The following LINGO2 variants were observed in gnomAD, a reference collection of about 807,000 sequenced individuals.
The protein encoded by LINGO2 is leucine-rich repeat and immunoglobulin-like domain-containing nogo receptor-interacting protein 2.
LINGO2 carries 14 observed loss-of-function variants against 30.6 expected under a neutral mutation model. The observed-to-expected ratio is 0.46, with a 90% CI of 0.30 to 0.72. The LOEUF is 0.72. LINGO2 is among the 30% of genes least tolerant of loss of function. The pLI, the probability that LINGO2 is intolerant of heterozygous loss-of-function variation, is 0.07. For synonymous variants in LINGO2, 317 were observed against 288.5 expected (o/e 1.10, Z -1.00); for missense variants, 729 against 751.7 (o/e 0.97, Z 0.35).
chr9:28,444,156 G>C (rs1036466652), intron 2 of LINGO2, among the ~76,000 whole-genome samples: 1 of 152,100 alleles, frequency 6.6e-6, no homozygotes, highest in Admixed American at 6.5e-5. Flanking sequence ...ATTCTTCCTG[G>C]ATATGGGACA....
the LINGO2 span, among the ~76,000 whole-genome samples, chr9:29,050,919 T>C: frequency 1.3e-5 from 2 of 152,190 alleles, no homozygotes; most frequent in Non-Finnish European, 2.9e-5. Context: ...TATAATTAAT[T>C]TGTAGTATCT....
chr9:28,357,639 T>C (rs1425179484), intron 3 of LINGO2, among the ~76,000 whole-genome samples: 1 of 152,116 alleles, frequency 6.6e-6, no homozygotes. Context: ...ATTTTTACCC[T>C]GAACAAATGA....
chr9:28,860,241 C>A, the LINGO2 span, among the ~76,000 whole-genome samples: 5 of 151,916 alleles, frequency 3.3e-5, no homozygotes, highest in Admixed American at 1.3e-4. Context: ...CCATAGTGCC[C>A]AGATATTTGG....
At chr9:28,435,515 T>C (rs1408603720) in intron 2 of LINGO2, among the ~76,000 whole-genome samples, 1 of 152,166 alleles carries the variant, frequency 6.6e-6, no homozygotes, top group East Asian at 1.9e-4. Flanking sequence ...ACTGTGAGGT[T>C]TGATGCCCAA....
rs182996186 is a variant in LINGO2, at chr9:28,549,366, T to C, written c.-364-73341A>G. 2.7e-3 allele frequency among the ~76,000 whole-genome samples: 414 copies of C among 152,234 alleles called. 5 individuals carry two copies. Among genetic ancestry groups the C allele is most frequent in the African/African-American group, 9.5e-3 (393 of 41,562 alleles). ...TTTCATTCATCTATATTGATGAATATTGAGGTTGTTTATTTCCTTATTTCT... is the reference window on the plus strand; with the variant it reads ...TTTCATTCATCTATATTGATGAATACTGAGGTTGTTTATTTCCTTATTTCT... On this transcript the variant is annotated intron_variant, in intron 1 of 5. Coordinates refer to ENST00000379992, the Ensembl canonical transcript of LINGO2.
At chr9:28,412,185 GAAAAA>G (rs59158472) in intron 2 of LINGO2, among the ~76,000 whole-genome samples, 6,318 of 120,634 alleles carry the variant, frequency 0.052, 383 homozygotes, top group African/African-American at 0.15. Context: ...ACTTGTAAGT[GAAAAA>G]AAAAAAAAAA....
chr9:29,134,026 C>G, the LINGO2 span, among the ~76,000 whole-genome samples: 1 of 152,094 alleles, frequency 6.6e-6, no homozygotes, highest in African/African-American at 2.4e-5. Flanking sequence ...TAGCTTTAAT[C>G]TCTATAGTTT....
chr9:28,357,324 C>CT (rs958938241), intron 3 of LINGO2, among the ~76,000 whole-genome samples: 21 of 145,936 alleles, frequency 1.4e-4, no homozygotes, highest in African/African-American at 5.0e-4. Flanking sequence ...AGCCCACCCC[C>CT]CCCAAAAAAG....
chr9:28,021,568 A>G (rs1356844135), intron 4 of LINGO2, among the ~76,000 whole-genome samples: 1 of 152,116 alleles, frequency 6.6e-6, no homozygotes, highest in African/African-American at 2.4e-5. Context: ...TGCTTGATTT[A>G]CCAATTATTG....
chr9:29,190,210 A>G, the LINGO2 span, among the ~76,000 whole-genome samples: 2 of 152,134 alleles, frequency 1.3e-5, no homozygotes, highest in African/African-American at 4.8e-5. Flanking sequence ...TAATCTAGAG[A>G]TTTTTAGCAC....
intron 5 of LINGO2, among the ~76,000 whole-genome samples, chr9:28,001,666 T>G (rs1821961322): frequency 6.6e-6 from 1 of 151,742 alleles, no homozygotes; most frequent in African/African-American, 2.4e-5. Flanking sequence ...GAAAAGAAAT[T>G]TATTTAAAGC....
chr9:28,470,873 TATATATA>T (rs1285764237), intron 2 of LINGO2, among the ~76,000 whole-genome samples: 1 of 148,406 alleles, frequency 6.7e-6, no homozygotes, highest in Non-Finnish European at 1.5e-5. Flanking sequence ...TATCTGTAAT[TATATATA>T]ATATATAATA....
the LINGO2 span, among the ~76,000 whole-genome samples, chr9:28,874,824 G>A: frequency 3.4e-4 from 52 of 151,962 alleles, no homozygotes; most frequent in South Asian, 8.3e-4. Flanking sequence ...GTGGCTTTAC[G>A]CAACATTTCT....
chr9:28,333,307 T>G (rs1051286667), intron 3 of LINGO2, among the ~76,000 whole-genome samples: 4 of 152,198 alleles, frequency 2.6e-5, no homozygotes, highest in African/African-American at 4.8e-5. Context: ...AAAGCTTCTT[T>G]AAAAGAAAGA....
chr9:28,362,617 T>A (rs1479584788), intron 3 of LINGO2, among the ~76,000 whole-genome samples: 1 of 152,048 alleles, frequency 6.6e-6, no homozygotes, highest in African/African-American at 2.4e-5. Context: ...ATTACAGGCA[T>A]GCATCACCGC....
At chr9:28,847,899 GTA>G in the LINGO2 span, among the ~76,000 whole-genome samples, 2 of 106,560 alleles carry the variant, frequency 1.9e-5, no homozygotes, top group African/African-American at 7.4e-5. Flanking sequence ...TATATGTATA[GTA>G]TATATATACA....
At chr9:28,478,574 T>C (rs534668169) in intron 1 of LINGO2, among the ~76,000 whole-genome samples, 102 of 152,234 alleles carry the variant, frequency 6.7e-4, no homozygotes, top group Non-Finnish European at 1.1e-3. Context: ...AGAAAGATTC[T>C]TGAATGATTC....
chr9:28,237,604 C>T (rs1216088987), intron 4 of LINGO2, among the ~76,000 whole-genome samples: 1 of 152,148 alleles, frequency 6.6e-6, no homozygotes, highest in Non-Finnish European at 1.5e-5. Context: ...AATCCCAGCA[C>T]TTTGGAAGGC....
the LINGO2 span, among the ~76,000 whole-genome samples, chr9:28,915,342 C>A: frequency 1.3e-5 from 2 of 152,186 alleles, no homozygotes; most frequent in African/African-American, 4.8e-5. Context: ...GAAACACCTG[C>A]AGGGCTTGTT....
Sources: allele counts gnomAD v4.1 joint callset (sites outside exome capture counted in the v4.1 genomes callset), GRCh38; gene constraint gnomAD v4.1.1; transcripts MANE v1.5; gene names NCBI Gene and HGNC (gene_info 2026-07-23, HGNC 2026-07-21).